RGS6: variants seen among roughly 807,000 people sequenced by gnomAD.
RGS6 encodes the protein regulator of G-protein signaling 6.
In RGS6, 30 loss-of-function variants were observed where a neutral mutation model predicts 78.5. The observed-to-expected ratio is 0.38, with a 90% CI of 0.29 to 0.52. RGS6 has a LOEUF of 0.52. Among genes scored for constraint, RGS6 ranks in the 20% least tolerant of loss-of-function variants. RGS6 has a pLI of 0.85. For synonymous variants in RGS6, 206 were observed against 206.0 expected (o/e 1.00, Z 0.00); for missense variants, 495 against 609.7 (o/e 0.81, Z 1.98).
chr14:72,441,020 A>G (rs952393193), intron 3 of RGS6, among the ~76,000 whole-genome samples: 1 of 152,118 alleles, frequency 6.6e-6, no homozygotes, highest in Non-Finnish European at 1.5e-5. Context: ...TGTTGCCTGC[A>G]TGCGAGTTGG....
At chr14:72,216,248 T>G (rs2045535772) in intron 2 of RGS6, among the ~76,000 whole-genome samples, 1 of 152,238 alleles carries the variant, frequency 6.6e-6, no homozygotes, top group South Asian at 2.1e-4. Flanking sequence ...GGCTCAGGCC[T>G]CGTCCAGAGC....
chr14:72,449,666 A>T (rs2095445502), intron 3 of RGS6, among the ~76,000 whole-genome samples: 1 of 152,216 alleles, frequency 6.6e-6, no homozygotes, highest in Non-Finnish European at 1.5e-5. Flanking sequence ...ACAAGCTAAC[A>T]AACACAGAGG....
At chr14:72,114,405 A>C (rs2153556290) in intron 2 of RGS6, among the ~76,000 whole-genome samples, 1 of 152,306 alleles carries the variant, frequency 6.6e-6, no homozygotes, top group East Asian at 1.9e-4. Context: ...TTCCTAGGAC[A>C]ATCATTAAAA....
intron 17 of RGS6, among the ~76,000 whole-genome samples, chr14:72,549,327 C>G (rs2097462019): frequency 6.6e-6 from 1 of 151,924 alleles, no homozygotes; most frequent in Admixed American, 6.6e-5. Flanking sequence ...GAAAGGAGGT[C>G]AGCAAGTGGA....
the RGS6 span, among the ~76,000 whole-genome samples, chr14:72,593,973 T>G: frequency 6.6e-6 from 1 of 150,914 alleles, no homozygotes; most frequent in Non-Finnish European, 1.5e-5. Context: ...TGGGGGCGAT[T>G]TTCCTAAAGC....
chr14:72,553,060 G>A (rs1367019082), intron 17 of RGS6, among the ~76,000 whole-genome samples: 1 of 152,208 alleles, frequency 6.6e-6, no homozygotes, highest in Non-Finnish European at 1.5e-5. Context: ...ATGTGCACAG[G>A]TGTATACACA....
intron 12 of RGS6, among the ~76,000 whole-genome samples, chr14:72,479,917 A>G (rs1037215048): frequency 1.3e-5 from 2 of 152,160 alleles, no homozygotes; most frequent in Non-Finnish European, 1.5e-5. Context: ...TGTGCTAGCA[A>G]TGCTCATGTC....
chr14:72,372,309 A>G (rs2083669377), intron 3 of RGS6, among the ~76,000 whole-genome samples: 1 of 152,186 alleles, frequency 6.6e-6, no homozygotes, highest in African/African-American at 2.4e-5. Context: ...TAATTCTACC[A>G]TCAGTTGCAG....
chr14:72,382,179 A>C (rs2086323638), intron 3 of RGS6, among the ~76,000 whole-genome samples: 1 of 152,176 alleles, frequency 6.6e-6, no homozygotes, highest in Admixed American at 6.5e-5. Flanking sequence ...CAATTGGAAG[A>C]AGATATTTGC....
chr14:72,427,625 T>A lies in RGS6; in HGVS notation c.185-26903T>A, dbSNP rs536230807. ...GGCAGGGATGGAGGAGTCTTGCTTATCATCTCTCTATTTTTGTTAACTCCT... is the reference window on the plus strand; with the variant it reads ...GGCAGGGATGGAGGAGTCTTGCTTAACATCTCTCTATTTTTGTTAACTCCT... On this transcript the variant is annotated intron_variant, in intron 3 of 17. Coordinates refer to ENST00000553525, the MANE Select transcript of RGS6 (RefSeq NM_001204424.2). Among the ~76,000 whole-genome samples the A allele has an allele frequency of 7.2e-5, 11 of 152,190 alleles. No individual in the cohort carries two copies. In the East Asian group the frequency reaches 1.7e-3, roughly 24 times the overall value.
intron 2 of RGS6, among the ~76,000 whole-genome samples, chr14:72,076,021 A>G (rs11158942): frequency 0.7 from 107,149 of 152,150 alleles, 37,875 homozygotes; most frequent in East Asian, 0.81. Flanking sequence ...TCCAGACAAT[A>G]AAACCCTCCC....
intron 2 of RGS6, among the ~76,000 whole-genome samples, chr14:72,124,684 A>G (rs1031513947): frequency 2.0e-5 from 3 of 152,240 alleles, no homozygotes; most frequent in African/African-American, 7.2e-5. Context: ...TATAGAAATC[A>G]AAGGTATTTC....
intron 2 of RGS6, among the ~76,000 whole-genome samples, chr14:72,183,221 C>G (rs1300562500): frequency 6.6e-6 from 1 of 152,200 alleles, no homozygotes; most frequent in Admixed American, 6.5e-5. Flanking sequence ...AATGACTACT[C>G]TCCATTTCTG....
intron 2 of RGS6, among the ~76,000 whole-genome samples, chr14:72,305,836 G>A (rs1165332167): frequency 1.3e-5 from 2 of 152,210 alleles, no homozygotes; most frequent in Non-Finnish European, 2.9e-5. Flanking sequence ...ACTAAGCTTG[G>A]TGAGGAAAGC....
At chr14:72,231,700 A>G (rs1280311845) in intron 2 of RGS6, among the ~76,000 whole-genome samples, 1 of 152,228 alleles carries the variant, frequency 6.6e-6, no homozygotes, top group Non-Finnish European at 1.5e-5. Context: ...GGATAAAGTG[A>G]CATTTAAACA....
At chr14:72,189,313 G>T (rs1384564044) in intron 2 of RGS6, among the ~76,000 whole-genome samples, 1 of 152,170 alleles carries the variant, frequency 6.6e-6, no homozygotes, top group Non-Finnish European at 1.5e-5. Context: ...GTTAGGCCTT[G>T]TCCTGGTTGG....
intron 2 of RGS6, among the ~76,000 whole-genome samples, chr14:72,170,737 A>G (rs541686616): frequency 1.3e-5 from 2 of 152,348 alleles, no homozygotes; most frequent in East Asian, 3.9e-4. Flanking sequence ...TAGTATACAG[A>G]ACAGTCCAAT....
intron 2 of RGS6, among the ~76,000 whole-genome samples, chr14:72,244,260 CTTTT>C (rs10587768): frequency 1.0e-3 from 146 of 140,090 alleles, no homozygotes; most frequent in African/African-American, 3.3e-3. Flanking sequence ...ATTTGTCTAA[CTTTT>C]TTTTTTTTTT....
At chr14:72,500,467 A>T (rs1389132580) in intron 13 of RGS6, among the ~76,000 whole-genome samples, 1 of 152,224 alleles carries the variant, frequency 6.6e-6, no homozygotes, top group African/African-American at 2.4e-5. Flanking sequence ...TGACCAATAA[A>T]ATAATTGAGT....
Sources: allele counts gnomAD v4.1 joint callset (sites outside exome capture counted in the v4.1 genomes callset), GRCh38; gene constraint gnomAD v4.1.1; transcripts MANE v1.5; gene names NCBI Gene and HGNC (gene_info 2026-07-23, HGNC 2026-07-21).